Variants in SYNPO2 observed in about 807,000 individuals in gnomAD.
SYNPO2 encodes synaptopodin 2.
SYNPO2 carries 56 observed loss-of-function variants against 85.0 expected under a neutral mutation model. That is an observed-to-expected ratio of 0.66 (90% confidence interval 0.53 to 0.82). The LOEUF (loss-of-function observed/expected upper bound fraction) is 0.82. Ranked by LOEUF, SYNPO2 falls within the 40% of genes least tolerant of loss-of-function variation. The pLI, the probability that SYNPO2 is intolerant of heterozygous loss-of-function variation, is 0.00. For synonymous variants in SYNPO2, 602 were observed against 591.1 expected (o/e 1.02, Z -0.27); for missense variants, 1,575 against 1,534.2 (o/e 1.03, Z -0.44).
chr4:119,030,422 T>C lies in SYNPO2; in HGVS notation c.1647T>C (p.Ser549=). The change falls in exon 4 of 5, where the codon TCT becomes TCC. Residue 549 remains serine (S), a synonymous_variant. Coordinates refer to ENST00000307142, the MANE Select transcript of SYNPO2 (RefSeq NM_133477.3). ...KEEESVRTQS[S]VSKSYIEVSH... ...AAGAGTCGGTAAGAACGCAGAGCTCTGTGAGCAAAAGCTACATCGAGGTGA... is the reference window on the plus strand; with the variant it reads ...AAGAGTCGGTAAGAACGCAGAGCTCCGTGAGCAAAAGCTACATCGAGGTGA... The C allele has an allele frequency of 1.2e-6, 2 of 1,614,192 alleles. No homozygotes were observed.
chr4:118,985,432 G>T (rs17050193), intron 1 of SYNPO2, among the ~76,000 whole-genome samples: 5 of 152,120 alleles, frequency 3.3e-5, no homozygotes, highest in Admixed American at 6.5e-5. Flanking sequence ...TGATGGAAGA[G>T]GGATGCCTCA....
Position 119,030,117 on chromosome 4 carries a change from G to A in SYNPO2, c.1342G>A (p.Glu448Lys). 1 of 1,614,148 alleles carries A rather than the reference G, an allele frequency of 6.2e-7. No homozygotes were observed. The highest frequency in any genetic ancestry group is 8.5e-7 in the Non-Finnish European group (1 of 1,180,022). The change falls in exon 4 of 5, where the codon GAG (glutamate) becomes AAG (lysine). Residue 448 changes from glutamate (E) to lysine (K), a missense_variant. Glu to Lys is a moderately conservative substitution (Grantham distance 56). Around this residue, in one of 3 missense-constraint regions of SYNPO2, gnomAD observed 1,508 missense variants for 1,446.8 expected, o/e 1.04. Transcript: ENST00000307142. ...TGCAAGCGAATCAGAGGTGGATGAA[G>A]AGTTATTGTCTGACGTTGACGACAA... Reference protein sequence around the residue: ...LGASESEVDEELLSDVDDNTQ... With the variant: ...LGASESEVDEKLLSDVDDNTQ...
chr4:118,872,390 C>T (rs1247192194), intron 1 of SYNPO2, among the ~76,000 whole-genome samples: 1 of 152,138 alleles, frequency 6.6e-6, no homozygotes, highest in Non-Finnish European at 1.5e-5. Context: ...CCTGCAAGAA[C>T]AAACTCCTAT....
chr4:118,923,649 G>T (rs1733612666), intron 1 of SYNPO2, among the ~76,000 whole-genome samples: 1 of 152,094 alleles, frequency 6.6e-6, no homozygotes, highest in Non-Finnish European at 1.5e-5. Flanking sequence ...TTCCTAGTTT[G>T]AAATACAAAC....
At chr4:118,976,314 C>T (rs1169100136) in intron 1 of SYNPO2, among the ~76,000 whole-genome samples, 1 of 152,084 alleles carries the variant, frequency 6.6e-6, no homozygotes. Context: ...GTTATTCATT[C>T]CTCCCGCTGG....
At chr4:118,985,197 G>C (rs1736173474) in intron 1 of SYNPO2, among the ~76,000 whole-genome samples, 1 of 152,180 alleles carries the variant, frequency 6.6e-6, no homozygotes, top group South Asian at 2.1e-4. Flanking sequence ...GCAGGGTTTG[G>C]GGGAAGGTTG....
chr4:119,041,220 A>T (rs777512595), intron 4 of SYNPO2, among the ~76,000 whole-genome samples: 11 of 152,248 alleles, frequency 7.2e-5, no homozygotes, highest in Non-Finnish European at 1.2e-4. Flanking sequence ...TTTTGTTTCA[A>T]ATGCAATTGA....
At chr4:118,982,678 A>C (rs2149163695) in intron 1 of SYNPO2, among the ~76,000 whole-genome samples, 1 of 152,346 alleles carries the variant, frequency 6.6e-6, no homozygotes, top group South Asian at 2.1e-4. Context: ...TGATCAGCCT[A>C]GTATGCTAGA....
At chr4:118,943,758 G>A (rs1021770930) in intron 1 of SYNPO2, among the ~76,000 whole-genome samples, 8 of 152,160 alleles carry the variant, frequency 5.3e-5, no homozygotes, top group African/African-American at 1.9e-4. Context: ...ATTGAGGACA[G>A]GCTATAAATT....
Position 119,059,000 on chromosome 4 carries a change from A to G in SYNPO2, c.*1066A>G, listed in dbSNP as rs1164909769. 6.6e-6 allele frequency: 1 copy of G among 152,292 alleles called. No homozygotes were observed. The highest frequency in any genetic ancestry group is 1.9e-4 in the East Asian group (1 of 5,182). The allele number at this position is 152,292 out of a possible 1,614,324, so 9.4% of individuals were successfully genotyped here. A position where few individuals can be genotyped will look rare whatever the true frequency, so the allele number is the denominator to read the frequency against. On this transcript the variant is annotated 3_prime_UTR_variant, in exon 5 of 5. Transcript: ENST00000307142. ...GGGTCCCCATCTGTCAAATGAGAAG[A>G]TTGGATTATCTAATCTTTTAGATCC...
At chr4:118,869,794 T>C (rs1340337930) in intron 1 of SYNPO2, among the ~76,000 whole-genome samples, 1 of 152,188 alleles carries the variant, frequency 6.6e-6, no homozygotes, top group Admixed American at 6.5e-5. Flanking sequence ...TTCTAAATGC[T>C]GGGGATTAAG....
intron 1 of SYNPO2, among the ~76,000 whole-genome samples, chr4:118,854,406 AG>A (rs142004922): frequency 0.041 from 6,262 of 152,318 alleles, 196 homozygotes; most frequent in Non-Finnish European, 0.064. Context: ...TTAAATGATA[AG>A]AATTTTATAG....
chr4:118,971,597 C>A (rs1242855590), intron 1 of SYNPO2, among the ~76,000 whole-genome samples: 1 of 152,210 alleles, frequency 6.6e-6, no homozygotes, highest in Admixed American at 6.5e-5. Context: ...TCATAGACAG[C>A]AAAGCTGGCC....
intron 1 of SYNPO2, among the ~76,000 whole-genome samples, chr4:119,004,045 G>A (rs1560967769): frequency 6.6e-6 from 1 of 152,086 alleles, no homozygotes; most frequent in African/African-American, 2.4e-5. Flanking sequence ...AGGGTCTACT[G>A]TGTTTTTAGA....
intron 1 of SYNPO2, among the ~76,000 whole-genome samples, chr4:118,987,181 G>A (rs1005236865): frequency 6.6e-6 from 1 of 152,078 alleles, no homozygotes; most frequent in African/African-American, 2.4e-5. Flanking sequence ...GTTAATAAAG[G>A]TAGAATAAAA....
chr4:118,850,716 T>C, exon 1 of SYNPO2: 2 of 398,604 alleles, frequency 5.0e-6, no homozygotes, highest in Non-Finnish European at 8.8e-6. Flanking sequence ...ATTCAGAACA[T>C]GTTGCTCTGG....
intron 1 of SYNPO2, among the ~76,000 whole-genome samples, chr4:118,950,095 A>AGAC (rs1734648229): frequency 6.6e-6 from 1 of 151,804 alleles, no homozygotes; most frequent in Non-Finnish European, 1.5e-5. Context: ...TCACAATAGA[A>AGAC]AACTGCCACA....
chr4:118,994,951 C>T (rs1736534480), intron 1 of SYNPO2, among the ~76,000 whole-genome samples: 2 of 152,124 alleles, frequency 1.3e-5, no homozygotes, highest in Non-Finnish European at 2.9e-5. Flanking sequence ...ACCATAGATC[C>T]TTGTCTAATG....
chr4:118,879,186 C>G (rs1300358052), intron 1 of SYNPO2, among the ~76,000 whole-genome samples: 2 of 152,198 alleles, frequency 1.3e-5, no homozygotes, highest in Non-Finnish European at 1.5e-5. Flanking sequence ...CACACACCAT[C>G]TTTAAGAACG....
Sources: gnomAD v4.1 joint callset for allele counts (sites outside exome capture counted in the v4.1 genomes callset) on GRCh38, gnomAD v4.1.1 for gene constraint, gnomAD v4.1.1 regional missense constraint, MANE v1.5 for transcripts, NCBI Gene and HGNC (gene_info 2026-07-23, HGNC 2026-07-21) for gene names.